The following CDH13 variants were observed in gnomAD, a reference collection of about 807,000 sequenced individuals.
CDH13 encodes cadherin 13, also known as cadherin-13.
Under a neutral mutation model 63.8 loss-of-function variants are expected in CDH13, and 24 were observed. That is an observed-to-expected ratio of 0.38 (90% CI 0.27 to 0.53). CDH13 has a LOEUF of 0.53. CDH13 is among the 20% of genes least tolerant of loss of function. CDH13 has a pLI of 0.85. For synonymous variants in CDH13, 503 were observed against 355.3 expected, an observed-to-expected ratio of 1.42 and a Z score of -4.67; for missense variants, 1,049 against 903.1, an observed-to-expected ratio of 1.16 and a Z score of -2.07.
intron 2 of CDH13, among the ~76,000 whole-genome samples, chr16:82,995,300 A>T (rs1394311450): frequency 6.6e-6 from 1 of 152,202 alleles, no homozygotes; most frequent in Non-Finnish European, 1.5e-5. Flanking sequence ...GCTAAAGACT[A>T]CTTTCTCCAG....
chr16:83,510,617 G>C lies in CDH13; in HGVS notation c.960+23962G>C, dbSNP rs554112467. ...AAATCCTACCTGGAATCTACCCCTG[G>C]ACAGGAGACCCAGGGATCAAGACTC... On this transcript the variant is annotated intron_variant, in intron 7 of 13. Coordinates refer to ENST00000567109, the MANE Select transcript of CDH13 (RefSeq NM_001257.5). 2.6e-5 allele frequency among the ~76,000 whole-genome samples: 4 copies of C among 152,222 alleles called. No homozygotes were observed. The East Asian group carries it at 5.8e-4, about 22-fold the overall frequency.
chr16:83,570,389 G>A (rs914739825), intron 7 of CDH13, among the ~76,000 whole-genome samples: 5 of 152,192 alleles, frequency 3.3e-5, no homozygotes, highest in Admixed American at 3.3e-4. Context: ...GTGACTCTGT[G>A]TCTGCCCCAC....
chr16:83,186,449 A>T (rs2151750099), intron 4 of CDH13, among the ~76,000 whole-genome samples: 1 of 152,190 alleles, frequency 6.6e-6, no homozygotes, highest in East Asian at 1.9e-4. Context: ...ATGGCATCTT[A>T]GTCATTCGAC....
At chr16:83,056,515 G>A (rs74763641) in intron 3 of CDH13, among the ~76,000 whole-genome samples, 1 of 151,942 alleles carries the variant, frequency 6.6e-6, no homozygotes, top group African/African-American at 2.4e-5. Flanking sequence ...AAACTTAATA[G>A]GCATAACATT....
At chr16:83,357,390 G>A (rs1013338029) in intron 6 of CDH13, among the ~76,000 whole-genome samples, 2 of 152,178 alleles carry the variant, frequency 1.3e-5, no homozygotes, top group Non-Finnish European at 2.9e-5. Context: ...GCTTCGGTCT[G>A]TGATGCACCA....
At chr16:82,921,873 G>A (rs2042166547) in intron 2 of CDH13, among the ~76,000 whole-genome samples, 1 of 151,582 alleles carries the variant, frequency 6.6e-6, no homozygotes. Flanking sequence ...AATCTATCTG[G>A]GTCTGAGCTT....
Position 83,747,401 on chromosome 16 carries a change from G to A in CDH13, c.1539-707G>A, listed in dbSNP as rs112703569. On this transcript the variant is annotated intron_variant, in intron 10 of 13. Transcript: ENST00000567109. Reference sequence around the variant, plus strand: ...TTTGCTTGGTTTCACTCTCTCGTCTGCCACCACGTAAGACATGCCTTTCAC... The same window carrying A: ...TTTGCTTGGTTTCACTCTCTCGTCTACCACCACGTAAGACATGCCTTTCAC... 1.1e-3 allele frequency among the ~76,000 whole-genome samples: 162 copies of A among 152,230 alleles called. 1 individual carries two copies. The highest frequency in any genetic ancestry group is 2.4e-3 in the Admixed American group (36 of 15,296).
chr16:83,233,249 C>G (rs1300068258), intron 5 of CDH13, among the ~76,000 whole-genome samples: 1 of 152,212 alleles, frequency 6.6e-6, no homozygotes, highest in Non-Finnish European at 1.5e-5. Flanking sequence ...CCCTAGGAGT[C>G]TGTTTTGCCC....
At chr16:83,134,987 A>C (rs2036219436) in intron 4 of CDH13, among the ~76,000 whole-genome samples, 1 of 152,198 alleles carries the variant, frequency 6.6e-6, no homozygotes, top group African/African-American at 2.4e-5. Context: ...CTGGCCTCAG[A>C]CTGAATTTAT....
chr16:82,975,782 T>A (rs1909417128), intron 2 of CDH13, among the ~76,000 whole-genome samples: 1 of 152,208 alleles, frequency 6.6e-6, no homozygotes, highest in South Asian at 2.1e-4. Flanking sequence ...GGCCTTTATA[T>A]ATTATTTTCA....
intron 4 of CDH13, among the ~76,000 whole-genome samples, chr16:83,128,420 G>A (rs1567857490): frequency 6.6e-6 from 1 of 152,178 alleles, no homozygotes; most frequent in South Asian, 2.1e-4. Context: ...ACAGCTTCTA[G>A]GTGATTGTGA....
chr16:82,634,260 G>A (rs1055543254), intron 1 of CDH13, among the ~76,000 whole-genome samples: 4 of 152,240 alleles, frequency 2.6e-5, no homozygotes, highest in Non-Finnish European at 5.9e-5. Flanking sequence ...GCCTTACGGG[G>A]CCTTCAGGCC....
chr16:83,474,930 T>C (rs2073562318), intron 6 of CDH13, among the ~76,000 whole-genome samples: 1 of 152,178 alleles, frequency 6.6e-6, no homozygotes, highest in Non-Finnish European at 1.5e-5. Flanking sequence ...GGGGCCATAA[T>C]GATGAAAAGG....
At chr16:83,623,405 C>A (rs1350051203) in intron 8 of CDH13, among the ~76,000 whole-genome samples, 3 of 152,202 alleles carry the variant, frequency 2.0e-5, no homozygotes, top group African/African-American at 7.2e-5. Context: ...GGCTTTATTG[C>A]AATCGGTTTC....
chr16:83,581,295 T>C (rs1270339418), intron 7 of CDH13, among the ~76,000 whole-genome samples: 1 of 152,208 alleles, frequency 6.6e-6, no homozygotes, highest in Non-Finnish European at 1.5e-5. Context: ...ACAGCTACTC[T>C]TCCTTAAACA....
intron 7 of CDH13, among the ~76,000 whole-genome samples, chr16:83,591,386 C>T (rs1225676176): frequency 1.3e-5 from 2 of 152,206 alleles, no homozygotes; most frequent in Non-Finnish European, 2.9e-5. Context: ...TCTGTACTTC[C>T]TTGTCTGAAT....
intron 2 of CDH13, among the ~76,000 whole-genome samples, chr16:82,957,854 A>G (rs530917964): frequency 1.3e-5 from 2 of 152,370 alleles, no homozygotes; most frequent in East Asian, 3.9e-4. Flanking sequence ...TTTTTCTGCT[A>G]TGACCAGTTA....
At chr16:83,244,728 C>T (rs558021161) in intron 5 of CDH13, among the ~76,000 whole-genome samples, 2 of 152,254 alleles carry the variant, frequency 1.3e-5, no homozygotes, top group East Asian at 3.9e-4. Flanking sequence ...CAATGACCAA[C>T]AGAAACCAGG....
intron 2 of CDH13, among the ~76,000 whole-genome samples, chr16:82,887,483 A>G (rs559828013): frequency 4.6e-5 from 7 of 152,316 alleles, no homozygotes; most frequent in Non-Finnish European, 7.4e-5. Context: ...GGAGAGAAGA[A>G]TGCAGCCTGA....
Sources: gnomAD v4.1 joint callset for allele counts (sites outside exome capture counted in the v4.1 genomes callset) on GRCh38, gnomAD v4.1.1 for gene constraint, MANE v1.5 for transcripts, NCBI Gene and HGNC (gene_info 2026-07-23, HGNC 2026-07-21) for gene names.